The following PREX2 variants were observed in gnomAD, a reference collection of about 807,000 sequenced individuals.
PREX2 encodes phosphatidylinositol 3,4,5-trisphosphate-dependent Rac exchanger 2 protein.
PREX2 carries 107 observed loss-of-function variants against 203.2 expected under a neutral mutation model. The observed-to-expected ratio is 0.53, with a 90% CI of 0.45 to 0.62. PREX2 has a LOEUF of 0.62. Among genes scored for constraint, PREX2 ranks in the 20% least tolerant of loss-of-function variants. The pLI is 0.00. For synonymous variants in PREX2, 672 were observed against 663.6 expected, an observed-to-expected ratio of 1.01 and a Z score of -0.19; for missense variants, 1,777 against 1,955.9, an observed-to-expected ratio of 0.91 and a Z score of 1.72.
intron 35 of PREX2, among the ~76,000 whole-genome samples, chr8:68,182,990 G>T (rs1285728380): frequency 6.6e-6 from 1 of 151,840 alleles, no homozygotes; most frequent in Non-Finnish European, 1.5e-5. Flanking sequence ...AAACTTGCAT[G>T]TGGATGGTGT....
chr8:67,976,172 G>A (rs1297961596), intron 1 of PREX2, among the ~76,000 whole-genome samples: 3 of 152,168 alleles, frequency 2.0e-5, no homozygotes, highest in Admixed American at 2.0e-4. Context: ...TTCTGAGCTA[G>A]CTCTGAAACT....
intron 38 of PREX2, among the ~76,000 whole-genome samples, chr8:68,217,942 G>A (rs1285794878): frequency 2.6e-5 from 4 of 152,264 alleles, no homozygotes; most frequent in African/African-American, 9.6e-5. Flanking sequence ...GGAAGTCTAC[G>A]GAGTAATCTG....
intron 23 of PREX2, among the ~76,000 whole-genome samples, chr8:68,103,142 G>T (rs1433370869): frequency 6.6e-6 from 1 of 152,132 alleles, no homozygotes; most frequent in Non-Finnish European, 1.5e-5. Flanking sequence ...GGAACTGGAA[G>T]TCTTCCTTTG....
chr8:68,074,989 G>T (rs1354457284), intron 14 of PREX2, among the ~76,000 whole-genome samples: 2 of 152,174 alleles, frequency 1.3e-5, no homozygotes, highest in African/African-American at 4.8e-5. Flanking sequence ...AAAATACCCT[G>T]TTTCACAAAG....
At chr8:68,018,262 G>A (rs577057935) in intron 2 of PREX2, among the ~76,000 whole-genome samples, 2 of 152,040 alleles carry the variant, frequency 1.3e-5, no homozygotes, top group Non-Finnish European at 2.9e-5. Flanking sequence ...AAGGTCAGGA[G>A]TTCGAGACCA....
Position 68,097,104 on chromosome 8 carries a change from A to G in PREX2, c.2456A>G (p.Tyr819Cys). The change falls in exon 22 of 40, where the codon TAT becomes TGT. Residue 819 changes from tyrosine to cysteine, a missense_variant. By Grantham distance (194) the Tyr-to-Cys change is radical. Transcript: ENST00000288368. ...ACAGTGGACAATGTCCACCTGGAATATGGTGTCGTGTATGAGTACGACAGC... is the reference window on the plus strand; with the variant it reads ...ACAGTGGACAATGTCCACCTGGAATGTGGTGTCGTGTATGAGTACGACAGC... ...SLTVDNVHLEYGVVYEYDSTA... is the reference protein window; with the variant it reads ...SLTVDNVHLECGVVYEYDSTA... The G allele has an allele frequency of 6.2e-7, 1 of 1,613,978 alleles. No individual in the cohort carries two copies. The highest frequency in any genetic ancestry group is 8.5e-7 in the Non-Finnish European group (1 of 1,179,890).
chr8:68,139,534 G>A (rs1029451860), intron 33 of PREX2, among the ~76,000 whole-genome samples: 2 of 152,118 alleles, frequency 1.3e-5, no homozygotes, highest in Admixed American at 6.6e-5. Context: ...GATGAATTAC[G>A]GGATGTGTGT....
At chr8:68,142,946 C>G (rs1811254836) in intron 33 of PREX2, among the ~76,000 whole-genome samples, 1 of 152,100 alleles carries the variant, frequency 6.6e-6, no homozygotes, top group Non-Finnish European at 1.5e-5. Context: ...ACATCCTTGT[C>G]AGCATTTGGT....
At chr8:68,194,520 G>C (rs1812357183) in intron 37 of PREX2, among the ~76,000 whole-genome samples, 1 of 151,964 alleles carries the variant, frequency 6.6e-6, no homozygotes. Context: ...GGGCGCAGTG[G>C]CTCATGCCTA....
chr8:68,074,446 C>T (rs1454874132), intron 14 of PREX2, among the ~76,000 whole-genome samples: 1 of 152,152 alleles, frequency 6.6e-6, no homozygotes, highest in Non-Finnish European at 1.5e-5. Flanking sequence ...GTTTTTACAA[C>T]TGTTTACTGC....
At position 68,027,258 on chromosome 8, in the gene PREX2, G is replaced by T. The variant is rs2129610407; in HGVS notation, c.478G>T (p.Val160Phe). The T allele has an allele frequency of 3.1e-6, 5 of 1,612,300 alleles. No homozygotes were observed. The highest frequency in any genetic ancestry group is 4.2e-6 in the Non-Finnish European group (5 of 1,178,644). ...GCTTGGAGGACGGAAGAACACAGAT[G>T]TTCCCTTGGAAGGATATTTAGTAAC... ...MLLGGRKNTD[V>F]PLEGYLVTPI... is the part of the protein sequence containing the mutation. Residue 160 changes from valine to phenylalanine, a missense_variant, in exon 5 of 40, where the codon GTT becomes TTT. Transcript: ENST00000288368.
intron 1 of PREX2, among the ~76,000 whole-genome samples, chr8:67,972,727 C>T (rs781550786): frequency 1.3e-4 from 20 of 152,280 alleles, no homozygotes; most frequent in Middle Eastern, 3.4e-3. Context: ...CTTACCTTTG[C>T]ATCCCTTTCT....
rs916031251 is a variant in PREX2, at chr8:68,236,572, T to C, written c.*5194T>C. ...AATTGGTAAGACGCTTTAGAAAATATGCATTTGAATTTGAATATCTAATGC... is the reference window on the plus strand; with the variant it reads ...AATTGGTAAGACGCTTTAGAAAATACGCATTTGAATTTGAATATCTAATGC... On this transcript the variant is annotated 3_prime_UTR_variant, in exon 40 of 40. Transcript: ENST00000288368. 56 of 152,302 alleles carry C rather than the reference T, an allele frequency of 3.7e-4. No individual in the cohort carries two copies. Among genetic ancestry groups the C allele is most frequent in the African/African-American group, 1.3e-3 (55 of 41,560 alleles). The allele number at this position is 152,302 out of a possible 1,614,324, so 9.4% of individuals were successfully genotyped here.
intron 1 of PREX2, among the ~76,000 whole-genome samples, chr8:67,983,587 G>A (rs1173079198): frequency 6.6e-6 from 1 of 152,184 alleles, no homozygotes; most frequent in African/African-American, 2.4e-5. Flanking sequence ...CAGTTAAGCT[G>A]CCCATGAGGG....
chr8:68,154,813 C>T (rs897917839), intron 34 of PREX2, among the ~76,000 whole-genome samples: 5 of 152,190 alleles, frequency 3.3e-5, no homozygotes, highest in Admixed American at 3.3e-4. Context: ...GGGGCAAAAT[C>T]ATGGGAGAGT....
chr8:68,014,636 T>C (rs1214084664), intron 1 of PREX2, among the ~76,000 whole-genome samples: 1 of 152,186 alleles, frequency 6.6e-6, no homozygotes, highest in Non-Finnish European at 1.5e-5. Flanking sequence ...CCCAAGTGGT[T>C]GGGTGAGAGG....
chr8:67,992,578 C>T (rs988006658), intron 1 of PREX2, among the ~76,000 whole-genome samples: 1 of 152,158 alleles, frequency 6.6e-6, no homozygotes, highest in African/African-American at 2.4e-5. Flanking sequence ...ATTTTTAAGA[C>T]ACAGATTTCT....
intron 35 of PREX2, among the ~76,000 whole-genome samples, chr8:68,162,963 AAC>A: frequency 6.6e-6 from 1 of 152,216 alleles, no homozygotes; most frequent in East Asian, 1.9e-4. Context: ...CTGACCAGCA[AAC>A]ACAGACAAAA....
intron 35 of PREX2, among the ~76,000 whole-genome samples, chr8:68,190,726 A>G (rs930902963): frequency 1.3e-5 from 2 of 152,080 alleles, no homozygotes; most frequent in African/African-American, 4.8e-5. Flanking sequence ...AAAAACATGT[A>G]TGTATACCCT....
Sources: gnomAD v4.1 joint callset for allele counts (sites outside exome capture counted in the v4.1 genomes callset) on GRCh38, gnomAD v4.1.1 for gene constraint, MANE v1.5 for transcripts, NCBI Gene and HGNC (gene_info 2026-07-23, HGNC 2026-07-21) for gene names.